The following BIRC6 variants were observed in gnomAD, a reference collection of about 807,000 sequenced individuals.
BIRC6 encodes baculoviral IAP repeat containing 6.
Under a neutral mutation model 503.3 loss-of-function variants are expected in BIRC6, and 98 were observed. The observed-to-expected ratio is 0.19, with a 90% confidence interval of 0.17 to 0.23. The LOEUF is 0.23. Ranked by LOEUF, BIRC6 falls within the 10% of genes least tolerant of loss-of-function variation. The pLI is 1.00. For missense variants in BIRC6, 5,360 were observed against 5,806.0 expected, an observed-to-expected ratio of 0.92 and a Z score of 2.50; for synonymous variants, 2,240 against 2,078.7, an observed-to-expected ratio of 1.08 and a Z score of -2.11.
intron 45 of BIRC6, among the ~76,000 whole-genome samples, chr2:32,495,692 C>T (rs976853589): frequency 6.6e-6 from 1 of 151,996 alleles, no homozygotes. Flanking sequence ...TAAATACCCT[C>T]CTCACACAAA....
chr2:32,358,054 T>TAGATC (rs2033434854), intron 1 of BIRC6, among the ~76,000 whole-genome samples: 1 of 5,970 alleles, frequency 1.7e-4, no homozygotes. Context: ...GGGGGTGGGG[T>TAGATC]GGGTCGTGGT....
At chr2:32,470,022 T>C in intron 30 of BIRC6, 146 bp from the exon 31 acceptor site, 2 of 694,478 alleles carry the variant, frequency 2.9e-6, no homozygotes. Flanking sequence ...CAGATACAAA[T>C]CTTGCTTTCC....
chr2:32,581,696 T>G (rs2060685839), intron 66 of BIRC6, among the ~76,000 whole-genome samples: 1 of 152,188 alleles, frequency 6.6e-6, no homozygotes, highest in African/African-American at 2.4e-5. Context: ...TTAGACCATG[T>G]GTGCAAAGCA....
intron 1 of BIRC6, among the ~76,000 whole-genome samples, chr2:32,367,114 TACAG>T (rs2035053700): frequency 6.6e-6 from 1 of 151,958 alleles, no homozygotes; most frequent in African/African-American, 2.4e-5. Flanking sequence ...AAGAAGGAAA[TACAG>T]ACAGGAGATA....
intron 23 of BIRC6, among the ~76,000 whole-genome samples, chr2:32,456,017 T>C (rs997185428): frequency 1.3e-5 from 2 of 152,204 alleles, no homozygotes; most frequent in Non-Finnish European, 2.9e-5. Flanking sequence ...AGAAAATAAT[T>C]GCATAGCTCG....
chr2:32,414,200 C>G (rs910731653), intron 9 of BIRC6, among the ~76,000 whole-genome samples: 2 of 152,114 alleles, frequency 1.3e-5, no homozygotes, highest in Non-Finnish European at 2.9e-5. Flanking sequence ...TTGCTTGAAC[C>G]TGGGAGGCGG....
intron 71 of BIRC6, among the ~76,000 whole-genome samples, chr2:32,603,717 C>CGA (rs1209763120): frequency 5.9e-5 from 9 of 151,870 alleles, no homozygotes; most frequent in African/African-American, 1.7e-4. Context: ...GAGGGAGACT[C>CGA]TATCTAAAAA....
At chr2:32,554,704 C>T (rs1023659188) in intron 65 of BIRC6, among the ~76,000 whole-genome samples, 14 of 151,742 alleles carry the variant, frequency 9.2e-5, no homozygotes, top group Non-Finnish European at 2.1e-4. Context: ...TTTGATATAC[C>T]ATCTGATTTT....
intron 22 of BIRC6, among the ~76,000 whole-genome samples, chr2:32,452,886 A>T (rs1244316581): frequency 6.6e-6 from 1 of 151,982 alleles, no homozygotes; most frequent in East Asian, 1.9e-4. Context: ...CATTTTTTGG[A>T]GCATGTGTCA....
chr2:32,592,595 C>CT lies in BIRC6; in HGVS notation c.13356-1307dup, dbSNP rs111294235. 8.0e-3 allele frequency among the ~76,000 whole-genome samples: 1,146 copies of CT among 143,312 alleles called. 16 individuals carry two copies. Among genetic ancestry groups the CT allele is most frequent in the African/African-American group, 0.023 (905 of 39,490 alleles). 94.0% of individuals were successfully genotyped at this position (143,312 alleles called of 152,430 possible). On this transcript the variant is annotated intron_variant, in intron 66 of 73. Transcript: ENST00000421745. ...GACATAGTATTATTTGTTAAGGATT[C>CT]TTTTTTTTTTTTTCTGGGAGATGGG...
In BIRC6 at chr2:32,485,708, A is replaced by T. The variant is rs2050910867; in HGVS notation, c.7762A>T (p.Thr2588Ser). 2 of 1,613,490 alleles carry T rather than the reference A, an allele frequency of 1.2e-6. No individual in the cohort carries two copies. Among genetic ancestry groups the T allele is most frequent in the South Asian group, 2.2e-5 (2 of 91,050 alleles). The change falls in exon 40 of 74, where the codon ACT (threonine) becomes TCT (serine). Residue 2588 changes from threonine (T) to serine (S), a missense_variant. Physicochemically the swap from Thr to Ser is moderately conservative, Grantham distance 58 (BLOSUM62 1). Coordinates refer to ENST00000421745, the MANE Select transcript of BIRC6 (RefSeq NM_016252.4). ...QAELMLKMMS[T>S]LEADSILQAL... The stretch of plus-strand genomic sequence containing the variant: ...AGAACTGATGTTGAAAATGATGTCT[A>T]CTCTGGAGGCAGATTCCATTTTACA...
At chr2:32,570,554 A>G (rs1313191333) in intron 65 of BIRC6, among the ~76,000 whole-genome samples, 2 of 152,000 alleles carry the variant, frequency 1.3e-5, no homozygotes, top group Non-Finnish European at 2.9e-5. Flanking sequence ...GCTGGAGTGC[A>G]ATGGTATTAT....
At chr2:32,474,172 T>C (rs938806610) in intron 33 of BIRC6, among the ~76,000 whole-genome samples, 9 of 152,156 alleles carry the variant, frequency 5.9e-5, no homozygotes, top group Admixed American at 3.3e-4. Context: ...TTTTTATATT[T>C]AAAAAATTTT....
At chr2:32,444,305 A>G (rs527405622) in intron 20 of BIRC6, among the ~76,000 whole-genome samples, 1 of 152,278 alleles carries the variant, frequency 6.6e-6, no homozygotes, top group East Asian at 1.9e-4. Context: ...TGGATATCCT[A>G]AATACCCTGG....
At position 32,415,523 on chromosome 2, in the gene BIRC6, T is replaced by C; in HGVS notation, c.2232T>C (p.His744=). 6.2e-7 allele frequency: 1 copy of C among 1,614,020 alleles called. No homozygotes were observed. ...DSITPCADGI[H]LLVGLRTCPV... ...TAACTCCTTGTGCTGACGGAATTCA[T>C]TTGTTGGTAGGACTGCGGACATGCC... Residue 744 remains histidine (H), a synonymous_variant, in exon 10 of 74, where the codon CAT becomes CAC. Transcript: ENST00000421745.
Position 32,575,289 on chromosome 2 carries a change from G to C in BIRC6, c.13278G>C (p.Gln4426His). The change falls in exon 66 of 74, where the codon CAG becomes CAC. Residue 4426 changes from glutamine to histidine, a missense_variant. This residue lies in a region of BIRC6 where 477 missense variants were observed against 574.4 expected (regional missense o/e 0.83). Transcript: ENST00000421745. ...AGAACGGTGAAGAGGAAGAAGAACA[G>C]TCAGAATGTCAAACTTCTGTTGGTA... is the stretch of plus-strand genomic sequence containing the variant. ...STENGEEEEE[Q>H]SECQTSVGTL... 6.2e-7 allele frequency: 1 copy of C among 1,613,988 alleles called. No individual in the cohort carries two copies. The highest frequency in any genetic ancestry group is 8.5e-7 in the Non-Finnish European group (1 of 1,179,884).
At chr2:32,579,028 A>C (rs1424082007) in intron 66 of BIRC6, among the ~76,000 whole-genome samples, 1 of 115,662 alleles carries the variant, frequency 8.6e-6, no homozygotes, top group East Asian at 2.2e-4. Flanking sequence ...ATATATACCT[A>C]ATATATATAT....
intron 19 of BIRC6, 156 bp from the exon 20 acceptor site, chr2:32,443,335 C>A (rs900076477): frequency 5.3e-6 from 3 of 564,176 alleles, no homozygotes; most frequent in Non-Finnish European, 9.2e-6. Context: ...AATCAGTTCC[C>A]GCTATCTTTT....
At chr2:32,414,297 T>C (rs2042194778) in intron 9 of BIRC6, among the ~76,000 whole-genome samples, 1 of 152,024 alleles carries the variant, frequency 6.6e-6, no homozygotes, top group Admixed American at 6.5e-5. Context: ...AATAAGTAAA[T>C]AAAAAATGTT....
Sources: gnomAD v4.1 joint callset for allele counts (sites outside exome capture counted in the v4.1 genomes callset) on GRCh38, gnomAD v4.1.1 for gene constraint, gnomAD v4.1.1 regional missense constraint, MANE v1.5 for transcripts, NCBI Gene and HGNC (gene_info 2026-07-23, HGNC 2026-07-21) for gene names.